TGFBR1: variants seen among roughly 807,000 people sequenced by gnomAD.
TGFBR1 encodes the protein transforming growth factor beta receptor 1.
In TGFBR1, 20 loss-of-function variants were observed where a neutral mutation model predicts 55.1. That is an observed-to-expected ratio of 0.36 (90% CI 0.26 to 0.53). TGFBR1 has a LOEUF of 0.53. TGFBR1 is among the 20% of genes least tolerant of loss of function. The probability of loss-of-function intolerance (pLI) is 0.91; values close to 1 mark genes in which losing one functional copy is unlikely to be tolerated. For synonymous variants in TGFBR1, 220 were observed against 214.8 expected (o/e 1.02, Z -0.21); for missense variants, 385 against 617.6 (o/e 0.62, Z 3.99).
chr9:99,138,262 C>G (rs1827503635), intron 4 of TGFBR1, among the ~76,000 whole-genome samples, 173 bp downstream of exon 4: 1 of 152,134 alleles, frequency 6.6e-6, no homozygotes, highest in Admixed American at 6.5e-5. Flanking sequence ...GGAACTTCTT[C>G]AAGATTTTCT....
intron 3 of TGFBR1, among the ~76,000 whole-genome samples, chr9:99,135,028 G>T (rs976667103): frequency 6.6e-6 from 1 of 151,684 alleles, no homozygotes; most frequent in Non-Finnish European, 1.5e-5. Context: ...GATGGATTCT[G>T]TGCACATCAT....
At chr9:99,126,386 C>G (rs1420488266) in intron 1 of TGFBR1, among the ~76,000 whole-genome samples, 2 of 152,178 alleles carry the variant, frequency 1.3e-5, no homozygotes, top group Non-Finnish European at 1.5e-5. Context: ...CATTGTATTA[C>G]AGTGTTCTCC....
chr9:99,147,510 A>G (rs1827834114), intron 7 of TGFBR1, 144 bp from the exon 8 acceptor site: 10 of 753,892 alleles, frequency 1.3e-5, no homozygotes, highest in Non-Finnish European at 4.3e-6. Context: ...ACAGATGTGG[A>G]TGAGATAGAG....
At chr9:99,117,593 A>G (rs1015286108) in intron 1 of TGFBR1, among the ~76,000 whole-genome samples, 2 of 152,160 alleles carry the variant, frequency 1.3e-5, no homozygotes, top group African/African-American at 2.4e-5. Context: ...ACTCAGAACC[A>G]TTTATTGGTA....
intron 1 of TGFBR1, among the ~76,000 whole-genome samples, chr9:99,118,505 T>A (rs1826811350): frequency 6.6e-6 from 1 of 152,222 alleles, no homozygotes; most frequent in African/African-American, 2.4e-5. Flanking sequence ...TACTGAAATT[T>A]TTAAATATCA....
chr9:99,139,172 C>A (rs1564163570), intron 4 of TGFBR1, among the ~76,000 whole-genome samples: 1 of 150,512 alleles, frequency 6.6e-6, no homozygotes, highest in Non-Finnish European at 1.5e-5. Flanking sequence ...ACCCCTGAAT[C>A]AAATGTATTT....
chr9:99,146,061 T>C (rs911732450), intron 6 of TGFBR1: 3 of 267,914 alleles, frequency 1.1e-5, no homozygotes, highest in Admixed American at 5.2e-5. Flanking sequence ...TTTTTGAAGC[T>C]TCAGTATGAG....
At chr9:99,128,597 C>A in intron 1 of TGFBR1, 1 of 544,868 alleles carries the variant, frequency 1.8e-6, no homozygotes, top group Non-Finnish European at 3.4e-6. Flanking sequence ...TTTTTCTATA[C>A]TTGGAAGCAA....
chr9:99,153,431 A>G lies in TGFBR1; in HGVS notation c.*4126A>G, dbSNP rs1306915283. The stretch of plus-strand genomic sequence containing the variant: ...TTTAAGATATGTACAGAAAATGTCC[A>G]TATAAATTTCCATTGAAGTCGAATG... On this transcript the variant is annotated 3_prime_UTR_variant, in exon 9 of 9. Transcript: ENST00000374994. 1 of 211,636 alleles carries G rather than the reference A, an allele frequency of 4.7e-6. No individual in the cohort carries two copies. The highest frequency in any genetic ancestry group is 9.6e-6 in the Non-Finnish European group (1 of 104,002). The allele number at this position is 211,636 out of a possible 1,614,324, so 13.1% of individuals were successfully genotyped here.
chr9:99,116,028 C>T (rs1826725177), intron 1 of TGFBR1, among the ~76,000 whole-genome samples: 1 of 151,932 alleles, frequency 6.6e-6, no homozygotes. Flanking sequence ...CCTTTTTTCT[C>T]CCTTTCCATT....
rs10988709 is a variant in TGFBR1, at chr9:99,116,679, C to G, written c.97+11377C>G. Reference sequence around the variant, plus strand: ...CCTTATCTTTTAATAACCAACCCCCCACTTTCTTCAGTAGCCATGATGCTA... The same window carrying G: ...CCTTATCTTTTAATAACCAACCCCCGACTTTCTTCAGTAGCCATGATGCTA... On this transcript the variant is annotated intron_variant, in intron 1 of 8. Transcript: ENST00000374994. 0.036 allele frequency among the ~76,000 whole-genome samples: 5,453 copies of G among 152,270 alleles called. 620 individuals are homozygous for G. In the East Asian group the frequency reaches 0.42, roughly 12 times the overall value.
intron 1 of TGFBR1, chr9:99,128,052 T>C (rs1309117094): frequency 2.4e-5 from 11 of 455,670 alleles, no homozygotes; most frequent in South Asian, 1.7e-4. Flanking sequence ...GAGAGCATGG[T>C]TGAAGGTGTA....
In TGFBR1 at chr9:99,146,477, T is replaced by A. The variant is rs1827799094; in HGVS notation, c.1131-8T>A. 6.2e-7 allele frequency: 1 copy of A among 1,613,760 alleles called. No homozygotes were observed. The highest frequency in any genetic ancestry group is 1.3e-5 in the African/African-American group (1 of 74,920). ...ATTTTCAAAGTTCTTTTTGCAAATT[T>A]TTTTTAGGTACATGGCCCCTGAAGT... On this transcript the variant is annotated splice_polypyrimidine_tract_variant and splice_region_variant and intron_variant, in intron 6 of 8. Coordinates refer to ENST00000374994, the MANE Select transcript of TGFBR1 (RefSeq NM_004612.4).
rs200005909 is a variant in TGFBR1 at position 99,150,339 on chromosome 9, A to G, written c.*1034A>G. The G allele has an allele frequency of 9.9e-6, 2 of 202,146 alleles. No individual in the cohort carries two copies. Among genetic ancestry groups the G allele is most frequent in the Admixed American group, 6.0e-5 (1 of 16,702 alleles). 12.5% of individuals were successfully genotyped at this position (202,146 alleles called of 1,614,324 possible). A position where few individuals can be genotyped will look rare whatever the true frequency, so the allele number is the denominator to read the frequency against. ...ACAGACTAATTTTTCTAAAAGGGAA[A>G]GTCTGTCTAGCTGCTTGTGAAAAGT... On this transcript the variant is annotated 3_prime_UTR_variant, in exon 9 of 9. Coordinates refer to ENST00000374994, the MANE Select transcript of TGFBR1 (RefSeq NM_004612.4).
At position 99,138,077 on chromosome 9, in the gene TGFBR1, G is replaced by T. The variant is rs1370696796; in HGVS notation, c.793G>T (p.Ala265Ser). ...TGAAAACATCCTGGGATTTATAGCA[G>T]CAGACAATAAAGGTCTGTAACATTT... ...RHENILGFIA[A>S]DNKDNGTWTQ... is the part of the protein sequence containing the mutation. Residue 265 changes from alanine to serine, a missense_variant, in exon 4 of 9, where the codon GCA (alanine) becomes TCA (serine). Around this residue, in one of 5 missense-constraint regions of TGFBR1, gnomAD observed 85 missense variants for 228.4 expected, o/e 0.37. Transcript: ENST00000374994. 1 of 1,613,750 alleles carries T rather than the reference G, an allele frequency of 6.2e-7. No homozygotes were observed. Among genetic ancestry groups the T allele is most frequent in the East Asian group, 2.2e-5 (1 of 44,846 alleles).
intron 1 of TGFBR1, among the ~76,000 whole-genome samples, chr9:99,127,260 C>T (rs1192866837): frequency 6.6e-6 from 1 of 152,164 alleles, no homozygotes; most frequent in East Asian, 1.9e-4. Context: ...TGACAGCATG[C>T]ACGAAGTTGT....
In TGFBR1 at chr9:99,151,401, T is replaced by G. The variant is rs200867114; in HGVS notation, c.*2096T>G. The G allele has an allele frequency of 1.0e-3, 212 of 209,246 alleles. 2 individuals carry two copies. The highest frequency in any genetic ancestry group is 5.0e-3 in the African/African-American group (208 of 41,224). 13.0% of individuals were successfully genotyped at this position (209,246 alleles called of 1,614,324 possible). On this transcript the variant is annotated 3_prime_UTR_variant, in exon 9 of 9. Transcript: ENST00000374994. ...TTTTGTGGGGGTTTTTTTTTTGTTT[T>G]TTTTTTTTTGTTGTTGTTTTTGGGC... is the stretch of plus-strand genomic sequence containing the variant.
rs767616657 is a variant in TGFBR1, at chr9:99,149,437, G to A, written c.*132G>A. On this transcript the variant is annotated 3_prime_UTR_variant, in exon 9 of 9. Coordinates refer to ENST00000374994, the MANE Select transcript of TGFBR1 (RefSeq NM_004612.4). ...CTTCCTTTTGCAGCAGTGTAATAAA[G>A]TCAATTAAAAACTTCCCAGGATTTC... is the stretch of plus-strand genomic sequence containing the variant. The A allele has an allele frequency of 8.0e-6, 11 of 1,373,366 alleles. No individual in the cohort carries two copies. The East Asian group carries it at 1.2e-4, about 15-fold the overall frequency. The allele number at this position is 1,373,366 out of a possible 1,614,324, so 85.1% of individuals were successfully genotyped here.
At chr9:99,105,456 C>G (rs1466575400) in intron 1 of TGFBR1, among the ~76,000 whole-genome samples, 154 bp downstream of exon 1, 1 of 148,230 alleles carries the variant, frequency 6.7e-6, no homozygotes, top group Non-Finnish European at 1.5e-5. Context: ...CCGCGCGGCT[C>G]GGCGGCTGCC....
Sources: allele counts gnomAD v4.1 joint callset (sites outside exome capture counted in the v4.1 genomes callset), GRCh38; gene constraint gnomAD v4.1.1; regional missense constraint gnomAD v4.1.1; transcripts MANE v1.5; gene names NCBI Gene and HGNC (gene_info 2026-07-23, HGNC 2026-07-21).